GRID2IP: variants seen among roughly 807,000 people sequenced by gnomAD.
The protein encoded by GRID2IP is delphilin.
GRID2IP carries 78 observed loss-of-function variants against 114.3 expected under a neutral mutation model. The ratio of observed to expected loss-of-function variants is 0.68; its 90% confidence interval spans 0.57 to 0.82. The LOEUF (loss-of-function observed/expected upper bound fraction) is 0.82, where lower values mean the gene tolerates loss of function less well. Among genes scored for constraint, GRID2IP ranks in the 40% least tolerant of loss-of-function variants. GRID2IP has a pLI of 0.00. For synonymous variants in GRID2IP, 809 were observed against 724.0 expected (o/e 1.12, Z -1.89); for missense variants, 1,727 against 1,678.5 (o/e 1.03, Z -0.51).
In GRID2IP at chr7:6,520,815, G is replaced by A; in HGVS notation, c.1085-54C>T. On this transcript the variant is annotated intron_variant, in intron 6 of 21. Coordinates refer to ENST00000457091, the MANE Select transcript of GRID2IP (RefSeq NM_001145118.2). The surrounding 1 kb of genome is among the most constrained non-coding windows in gnomAD (Gnocchi z 4.6). ...GAGTGACTCAGAGTCCCCAGGCCAG[G>A]TGTAGTCTCCCTGGCTTTTGAGGTC... 1 of 1,496,656 alleles carries A rather than the reference G, an allele frequency of 6.7e-7. No homozygotes were observed. Among genetic ancestry groups the A allele is most frequent in the Non-Finnish European group, 9.0e-7 (1 of 1,108,040 alleles). The allele number at this position is 1,496,656 out of a possible 1,614,324, so 92.7% of individuals were successfully genotyped here. A position where few individuals can be genotyped will look rare whatever the true frequency, so the allele number is the denominator to read the frequency against.
intron 20 of GRID2IP, among the ~76,000 whole-genome samples, chr7:6,500,765 G>A (rs1405087980): frequency 6.6e-6 from 1 of 152,204 alleles, no homozygotes; most frequent in Non-Finnish European, 1.5e-5. Context: ...CCCTGCCAAG[G>A]GGTGTTGGAG....
chr7:6,548,718 T>C (rs1237740238), intron 1 of GRID2IP, among the ~76,000 whole-genome samples: 1 of 151,478 alleles, frequency 6.6e-6, no homozygotes, highest in Admixed American at 6.6e-5. Flanking sequence ...GGGGTACGCC[T>C]GTAATCCCAG....
At position 6,504,782 on chromosome 7, in the gene GRID2IP, C is replaced by T. The variant is rs1438203277; in HGVS notation, c.2710+11G>A. 8 of 1,549,504 alleles carry T rather than the reference C, an allele frequency of 5.2e-6. No individual in the cohort carries two copies. The highest frequency in any genetic ancestry group is 7.0e-6 in the Non-Finnish European group (8 of 1,145,380). ...GCCCCCTACACCCCCTGGGGTTCCCCGGACCCTCACAGGTGTTGTAGGCCT... is the reference window on the plus strand; with the variant it reads ...GCCCCCTACACCCCCTGGGGTTCCCTGGACCCTCACAGGTGTTGTAGGCCT... On this transcript the variant is annotated intron_variant, in intron 15 of 21. Coordinates refer to ENST00000457091, the MANE Select transcript of GRID2IP (RefSeq NM_001145118.2).
In GRID2IP at chr7:6,497,738, C is replaced by T. The variant is rs1003354613; in HGVS notation, c.*36G>A. 1 of 1,508,128 alleles carries T rather than the reference C, an allele frequency of 6.6e-7. No individual in the cohort carries two copies. Among genetic ancestry groups the T allele is most frequent in the Non-Finnish European group, 9.0e-7 (1 of 1,112,392 alleles). The allele number at this position is 1,508,128 out of a possible 1,614,324, so 93.4% of individuals were successfully genotyped here. ...GGGCTGCCCTCTCGGCCTCCATCTCCCTGCTCAGGCCGCAGAGGACGCGGT... is the reference window on the plus strand; with the variant it reads ...GGGCTGCCCTCTCGGCCTCCATCTCTCTGCTCAGGCCGCAGAGGACGCGGT... On this transcript the variant is annotated 3_prime_UTR_variant, in exon 22 of 22. Coordinates refer to ENST00000457091, the MANE Select transcript of GRID2IP (RefSeq NM_001145118.2).
At position 6,548,590 on chromosome 7, in the gene GRID2IP, C is replaced by T. The variant is rs888914369; in HGVS notation, c.429+2418G>A. Among the ~76,000 whole-genome samples the T allele has an allele frequency of 2.0e-5, 3 of 152,104 alleles. No homozygotes were observed. The South Asian group carries it at 6.2e-4, about 31-fold the overall frequency. ...CGGTGGCTCACGCCTGTAATCCCAG[C>T]ACTCTGGGAGGCCGCAGCAGATGGA... On this transcript the variant is annotated intron_variant, in intron 1 of 21. Transcript: ENST00000457091.
In GRID2IP at chr7:6,511,184, G is replaced by C. The variant is rs1333363214; in HGVS notation, c.1424-145C>G. 3.6e-6 allele frequency: 4 copies of C among 1,117,298 alleles called. No individual in the cohort carries two copies. The African/African-American group carries it at 6.5e-5, about 18-fold the overall frequency. The allele number at this position is 1,117,298 out of a possible 1,614,324, so 69.2% of individuals were successfully genotyped here. A position where few individuals can be genotyped will look rare whatever the true frequency, so the allele number is the denominator to read the frequency against. The stretch of plus-strand genomic sequence containing the variant: ...GCCTGCCCTGCTTGCCTCCAGAACA[G>C]CTCTTGAGGGGAAGCCCCAGGGCAA... On this transcript the variant is annotated intron_variant, in intron 8 of 21. Coordinates refer to ENST00000457091, the MANE Select transcript of GRID2IP (RefSeq NM_001145118.2).
Position 6,498,126 on chromosome 7 carries a change from A to G in GRID2IP, c.3502T>C (p.Ser1168Pro). Residue 1168 changes from serine (S) to proline (P), a missense_variant, in exon 21 of 22, where the codon TCC becomes CCC. By Grantham distance (74) the Ser-to-Pro change is moderately conservative. Transcript: ENST00000457091. ...AAAGCCTCAGAGGTGGTGGCCTTGG[A>G]ATCCTCCCCAAAGAAGGCCAGCGCC... is the stretch of plus-strand genomic sequence containing the variant. ...GKALAFFGED[S>P]KATTSEAFFG... 6.4e-7 allele frequency: 1 copy of G among 1,551,698 alleles called. No individual in the cohort carries two copies. The highest frequency in any genetic ancestry group is 8.7e-7 in the Non-Finnish European group (1 of 1,146,960).
intron 1 of GRID2IP, 115 bp downstream of exon 1, chr7:6,550,893 T>A: frequency 8.7e-7 from 1 of 1,149,274 alleles, no homozygotes; most frequent in Non-Finnish European, 1.1e-6. Flanking sequence ...TTCTGTTAAA[T>A]CTGACCCCAG....
chr7:6,551,236 G>A lies in GRID2IP; in HGVS notation c.201C>T (p.Arg67=), dbSNP rs2115106733. 3 of 1,529,206 alleles carry A rather than the reference G, an allele frequency of 2.0e-6. No homozygotes were observed. The highest frequency in any genetic ancestry group is 4.0e-5 in the Admixed American group (2 of 50,476). 94.7% of individuals were successfully genotyped at this position (1,529,206 alleles called of 1,614,324 possible). ...GCACACGTGGGCAGCGCCGTGCCAG[G>A]CGCACGAGGCGCTCGCGGCTCAGAC... ...VGGLSRERLV[R]LARRCPRVPP... Residue 67 remains arginine, a synonymous_variant, in exon 1 of 22, where the codon CGC becomes CGT. Transcript: ENST00000457091.
intron 2 of GRID2IP, among the ~76,000 whole-genome samples, chr7:6,529,168 C>G (rs781492940): frequency 6.6e-6 from 1 of 151,534 alleles, no homozygotes; most frequent in African/African-American, 2.4e-5. Context: ...AAGGCCCTGT[C>G]GTCCGGGCGC....
intron 20 of GRID2IP, among the ~76,000 whole-genome samples, chr7:6,501,361 T>A (rs1191646796): frequency 6.6e-6 from 1 of 151,682 alleles, no homozygotes; most frequent in Non-Finnish European, 1.5e-5. Flanking sequence ...AAAAAATAAA[T>A]AAAATTAAAC....
rs77697382 is a variant in GRID2IP, at chr7:6,511,763, G to A, written c.1424-724C>T. On this transcript the variant is annotated intron_variant, in intron 8 of 21. Transcript: ENST00000457091. ...CTTCTCGCTAAAACCCTAGCAAATT[G>A]TGGGTCCCTGGGACTGCAGCTCATG... 3.8e-4 allele frequency among the ~76,000 whole-genome samples: 58 copies of A among 152,182 alleles called. 2 individuals are homozygous for A. Among genetic ancestry groups the A allele is most frequent in the Non-Finnish European group, 2.5e-4 (17 of 68,030 alleles).
At position 6,498,884 on chromosome 7, in the gene GRID2IP, C is replaced by T. The variant is rs551175399; in HGVS notation, c.3400-656G>A. Reference sequence around the variant, plus strand: ...ACAGGTGTGAGCCACTGCACCTGGCCTTAGGCCTTACTCTGTTTTCTAGAG... The same window carrying T: ...ACAGGTGTGAGCCACTGCACCTGGCTTTAGGCCTTACTCTGTTTTCTAGAG... On this transcript the variant is annotated intron_variant, in intron 20 of 21. Coordinates refer to ENST00000457091, the MANE Select transcript of GRID2IP (RefSeq NM_001145118.2). Among the ~76,000 whole-genome samples the T allele has an allele frequency of 3.4e-3, 517 of 152,192 alleles. 5 individuals are homozygous for T. Among genetic ancestry groups the T allele is most frequent in the Middle Eastern group, 6.8e-3 (2 of 294 alleles).
At chr7:6,512,768 C>G (rs1779202467) in intron 8 of GRID2IP, among the ~76,000 whole-genome samples, 1 of 152,144 alleles carries the variant, frequency 6.6e-6, no homozygotes, top group Admixed American at 6.6e-5. Flanking sequence ...GCCTCAGCTC[C>G]ACAAAGTGCT....
chr7:6,521,687 G>A lies in GRID2IP; in HGVS notation c.990-164C>T, dbSNP rs1779414752. 6.6e-6 allele frequency among the ~76,000 whole-genome samples: 1 copy of A among 152,216 alleles called. No individual in the cohort carries two copies. The highest frequency in any genetic ancestry group is 1.5e-5 in the Non-Finnish European group (1 of 68,048). On this transcript the variant is annotated intron_variant, in intron 5 of 21. Coordinates refer to ENST00000457091, the MANE Select transcript of GRID2IP (RefSeq NM_001145118.2). This position sits in a 1 kb window ranked among gnomAD's most constrained non-coding sequence, Gnocchi z 4.1. ...TGGAGTATTTTCTGGTTGGAAGGAT[G>A]AACTGAGGTCCTGGCTAGAGTTGGC...
At position 6,521,937 on chromosome 7, in the gene GRID2IP, CAG is replaced by C; in HGVS notation, c.938_939del (p.Ala313GlyfsTer6). Reference protein sequence around the residue: ...SVLPGSPADNAALKSGDRILF... With the variant: ...SVLPGSPADNXALKSGDRILF... ...AGGATCCGGTCACCTGACTTGAGGG[CAG>C]CATTGTCAGCTGGGCTCCCTGGAAG... On this transcript the variant is annotated frameshift_variant, in exon 5 of 22. Transcript: ENST00000457091. LOFTEE classifies it high-confidence loss of function. The surrounding 1 kb of genome is among the most constrained non-coding windows in gnomAD (Gnocchi z 4.1). 6.4e-7 allele frequency: 1 copy of C among 1,551,454 alleles called. No individual in the cohort carries two copies. The highest frequency in any genetic ancestry group is 2.4e-5 in the East Asian group (1 of 40,908).
At position 6,507,474 on chromosome 7, in the gene GRID2IP, G is replaced by A. The variant is rs1021544568; in HGVS notation, c.2544+511C>T. 1.3e-5 allele frequency among the ~76,000 whole-genome samples: 2 copies of A among 152,140 alleles called. No individual in the cohort carries two copies. Among genetic ancestry groups the A allele is most frequent in the African/African-American group, 4.8e-5 (2 of 41,446 alleles). On this transcript the variant is annotated intron_variant, in intron 13 of 21. Transcript: ENST00000457091. This position sits in a 1 kb window ranked among gnomAD's most constrained non-coding sequence, Gnocchi z 5.3. ...TCTGCCCGATTTTAAGGGCCAGAAA[G>A]AAAACAGGGCATGGGAATCCTGGGG...
chr7:6,516,210 G>A lies in GRID2IP; in HGVS notation c.1269-1681C>T, dbSNP rs181961412. Reference sequence around the variant, plus strand: ...AATTTCAAAAGCCAAAACTGTGGGCGGCAAGCCACCCAGATGCCAAGGCAA... The same window carrying A: ...AATTTCAAAAGCCAAAACTGTGGGCAGCAAGCCACCCAGATGCCAAGGCAA... On this transcript the variant is annotated intron_variant, in intron 7 of 21. Transcript: ENST00000457091. This position sits in a 1 kb window ranked among gnomAD's most constrained non-coding sequence, Gnocchi z 4.3. Among the ~76,000 whole-genome samples, 12 of 151,798 alleles carry A rather than the reference G, an allele frequency of 7.9e-5. No individual in the cohort carries two copies. The highest frequency in any genetic ancestry group is 5.2e-4 in the Admixed American group (8 of 15,250).
chr7:6,510,991 G>T lies in GRID2IP; in HGVS notation c.1472C>A (p.Pro491His). The T allele has an allele frequency of 6.5e-7, 1 of 1,537,494 alleles. No homozygotes were observed. The highest frequency in any genetic ancestry group is 8.8e-7 in the Non-Finnish European group (1 of 1,140,278). Residue 491 changes from proline (P) to histidine (H), a missense_variant, in exon 9 of 22, where the codon CCC (proline) becomes CAC (histidine). Coordinates refer to ENST00000457091, the MANE Select transcript of GRID2IP (RefSeq NM_001145118.2). ...AGCCCGCAGGGAGCTCCGCGGCTGG[G>T]GCTCAGGCGTGGGCTCGGACTCCAG... ...LDLESEPTPE[P>H]QPRSSLRASS...
Sources: allele counts gnomAD v4.1 joint callset (sites outside exome capture counted in the v4.1 genomes callset), GRCh38; gene constraint gnomAD v4.1.1; non-coding constraint Gnocchi (gnomAD v3.1); transcripts MANE v1.5; gene names NCBI Gene and HGNC (gene_info 2026-07-23, HGNC 2026-07-21).